EPAS1: variants seen among roughly 807,000 people sequenced by gnomAD.
EPAS1 encodes endothelial PAS domain-containing protein 1.
EPAS1 carries 23 observed loss-of-function variants against 87.9 expected under a neutral mutation model. The ratio of observed to expected loss-of-function variants is 0.26; its 90% CI spans 0.19 to 0.37. The LOEUF is 0.37. EPAS1 is among the 10% of genes least tolerant of loss of function. The pLI is 1.00. For synonymous variants in EPAS1, 508 were observed against 444.3 expected (o/e 1.14, Z -1.80); for missense variants, 1,138 against 1,120.7 (o/e 1.02, Z -0.22).
intron 10 of EPAS1, 51 bp from the exon 11 acceptor site, chr2:46,378,606 G>A: frequency 3.3e-6 from 5 of 1,508,160 alleles, no homozygotes; most frequent in Non-Finnish European, 4.6e-6. Flanking sequence ...GGACTTCTGG[G>A]GAGACCAGTG....
intron 1 of EPAS1, among the ~76,000 whole-genome samples, chr2:46,308,452 C>G (rs1572613318): frequency 1.1e-5 from 1 of 90,946 alleles, no homozygotes; most frequent in East Asian, 2.3e-4. Flanking sequence ...ACCTTGCTTG[C>G]TTTTTTTTGG....
chr2:46,316,571 A>G (rs373784634), intron 1 of EPAS1, among the ~76,000 whole-genome samples: 6 of 152,334 alleles, frequency 3.9e-5, no homozygotes, highest in African/African-American at 1.2e-4. Context: ...AACAATGTCT[A>G]TACCTTAATT....
intron 1 of EPAS1, among the ~76,000 whole-genome samples, chr2:46,336,192 T>C (rs1683788706): frequency 6.6e-6 from 1 of 152,220 alleles, no homozygotes; most frequent in South Asian, 2.1e-4. Context: ...AAGGGCATTT[T>C]TGATTGTCTT....
intron 1 of EPAS1, among the ~76,000 whole-genome samples, chr2:46,337,001 A>C (rs1283364019): frequency 6.6e-6 from 1 of 152,246 alleles, no homozygotes; most frequent in Non-Finnish European, 1.5e-5. Context: ...GACTCTTCCC[A>C]GATGGAAACC....
intron 1 of EPAS1, among the ~76,000 whole-genome samples, chr2:46,323,397 A>G (rs146765804): frequency 1.3e-3 from 193 of 152,350 alleles, no homozygotes; most frequent in African/African-American, 4.3e-3. Context: ...TCTTTTAACA[A>G]ATGGATGGGA....
chr2:46,380,567 G>C lies in EPAS1; in HGVS notation c.1895G>C (p.Gly632Ala), dbSNP rs972229509. The change falls in exon 12 of 16, where the codon GGG (glycine) becomes GCG (alanine). Residue 632 changes from glycine (G) to alanine (A), a missense_variant. Physicochemically the swap from Gly to Ala is moderately conservative, Grantham distance 60. Around this residue, in one of 4 missense-constraint regions of EPAS1, gnomAD observed 502 missense variants for 427.1 expected, o/e 1.18. Coordinates refer to ENST00000263734, the MANE Select transcript of EPAS1 (RefSeq NM_001430.5). This position sits in a 1 kb window ranked among gnomAD's most constrained non-coding sequence, Gnocchi z 4.4. ...GQASTPLSSM[G>A]GRSNTQWPPD... ...GCCAGCACCCCTCTCTCTTCCATGGGGGGCAGATCCAATACCCAGTGGCCC... is the reference window on the plus strand; with the variant it reads ...GCCAGCACCCCTCTCTCTTCCATGGCGGGCAGATCCAATACCCAGTGGCCC... 6 of 1,614,066 alleles carry C rather than the reference G, an allele frequency of 3.7e-6. No individual in the cohort carries two copies. Among genetic ancestry groups the C allele is most frequent in the Non-Finnish European group, 5.1e-6 (6 of 1,180,008 alleles).
rs777767723 is a variant in EPAS1 at position 46,346,865 on chromosome 2, C to G, written c.27-8C>G. Reference sequence around the variant, plus strand: ...CTTTCCGGGACTAACCCCTTCTTCTCCACTTAGGAGTAGCTCGGAGAGGAG... The same window carrying G: ...CTTTCCGGGACTAACCCCTTCTTCTGCACTTAGGAGTAGCTCGGAGAGGAG... On this transcript the variant is annotated splice_polypyrimidine_tract_variant and splice_region_variant and intron_variant, in intron 1 of 15. Coordinates refer to ENST00000263734, the MANE Select transcript of EPAS1 (RefSeq NM_001430.5). This position sits in a 1 kb window ranked among gnomAD's most constrained non-coding sequence, Gnocchi z 4.0. 1 of 1,614,158 alleles carries G rather than the reference C, an allele frequency of 6.2e-7. No individual in the cohort carries two copies. The highest frequency in any genetic ancestry group is 1.3e-5 in the African/African-American group (1 of 75,056).
chr2:46,358,332 T>C (rs1684311681), intron 4 of EPAS1, among the ~76,000 whole-genome samples: 1 of 152,202 alleles, frequency 6.6e-6, no homozygotes, highest in Admixed American at 6.5e-5. Flanking sequence ...GAGCACCCTG[T>C]AGGCTGCTCA....
rs2103673257 is a variant in EPAS1, at chr2:46,380,532, C to T, written c.1860C>T (p.Cys620=). Residue 620 remains cysteine, a synonymous_variant, in exon 12 of 16, where the codon TGC becomes TGT. Transcript: ENST00000263734. This position sits in a 1 kb window ranked among gnomAD's most constrained non-coding sequence, Gnocchi z 4.4. ...GAAGCAAAGCATCCCTGCCACCGTG[C>T]TGTGGCCAGGCCAGCACCCCTCTCT... ...DAGSKASLPP[C]CGQASTPLSS... The T allele has an allele frequency of 6.2e-7, 1 of 1,614,208 alleles. No individual in the cohort carries two copies. Among genetic ancestry groups the T allele is most frequent in the Non-Finnish European group, 8.5e-7 (1 of 1,180,038 alleles).
In EPAS1 at chr2:46,380,628, G is replaced by C. The variant is rs866945033; in HGVS notation, c.1956G>C (p.Trp652Cys). Reference sequence around the variant, plus strand: ...CATTACATTTTGGGCCCACAAAGTGGGCCGTCGGGGATCAGCGCACAGAGT... The same window carrying C: ...CATTACATTTTGGGCCCACAAAGTGCGCCGTCGGGGATCAGCGCACAGAGT... The part of the protein sequence containing the change: ...DPPLHFGPTK[W>C]AVGDQRTEFL... The change falls in exon 12 of 16, where the codon TGG (tryptophan) becomes TGC (cysteine). Residue 652 changes from tryptophan (W) to cysteine (C), a missense_variant. Physicochemically the swap from Trp to Cys is radical, Grantham distance 215. Transcript: ENST00000263734. The surrounding 1 kb of genome is among the most constrained non-coding windows in gnomAD (Gnocchi z 4.4). 1 of 1,614,054 alleles carries C rather than the reference G, an allele frequency of 6.2e-7. No homozygotes were observed. The highest frequency in any genetic ancestry group is 1.6e-4 in the Middle Eastern group (1 of 6,062).
chr2:46,380,508 A>T lies in EPAS1; in HGVS notation c.1836A>T (p.Gly612=), dbSNP rs1170141978. Residue 612 remains glycine (G), a synonymous_variant, in exon 12 of 16, where the codon GGA becomes GGT. Transcript: ENST00000263734. The surrounding 1 kb of genome is among the most constrained non-coding windows in gnomAD (Gnocchi z 4.4). ...RPMSSIFFDA[G]SKASLPPCCG... is the part of the protein sequence containing the mutation. ...TGTCCTCCATCTTCTTTGATGCCGG[A>T]AGCAAAGCATCCCTGCCACCGTGCT... 8 of 1,614,164 alleles carry T rather than the reference A, an allele frequency of 5.0e-6. No homozygotes were observed. Among genetic ancestry groups the T allele is most frequent in the Non-Finnish European group, 5.9e-6 (7 of 1,180,024 alleles).
chr2:46,362,960 G>T (rs1205963909), intron 6 of EPAS1, among the ~76,000 whole-genome samples: 55 of 84,688 alleles, frequency 6.5e-4, no homozygotes, highest in Middle Eastern at 6.3e-3. Context: ...GTTAGTGGTG[G>T]TGGTGGTGGT....
chr2:46,321,632 C>T (rs1683455555), intron 1 of EPAS1, among the ~76,000 whole-genome samples: 1 of 152,002 alleles, frequency 6.6e-6, no homozygotes, highest in South Asian at 2.1e-4. Flanking sequence ...TTTACATTTT[C>T]CTAATGATCA....
chr2:46,368,069 G>A (rs578067501), intron 6 of EPAS1, among the ~76,000 whole-genome samples: 1 of 152,340 alleles, frequency 6.6e-6, no homozygotes, highest in South Asian at 2.1e-4. Context: ...CTGGTCAGCT[G>A]TTGAGGTTTT....
intron 1 of EPAS1, among the ~76,000 whole-genome samples, chr2:46,308,372 T>C (rs542148442): frequency 1.3e-5 from 2 of 151,160 alleles, no homozygotes; most frequent in African/African-American, 4.8e-5. Context: ...ACTTTATTTG[T>C]TTTTGCCTTT....
intron 12 of EPAS1, chr2:46,381,130 C>T: frequency 5.7e-6 from 2 of 350,832 alleles, no homozygotes; most frequent in Non-Finnish European, 1.1e-5. Context: ...TGCAGCCTCT[C>T]CCAGCTGTGC....
chr2:46,370,843 C>T (rs1033338251), intron 7 of EPAS1, among the ~76,000 whole-genome samples: 1 of 152,184 alleles, frequency 6.6e-6, no homozygotes, highest in Non-Finnish European at 1.5e-5. Context: ...CCATGCGACT[C>T]ATCACTGTGC....
intron 11 of EPAS1, 116 bp downstream of exon 11, chr2:46,378,883 G>A: frequency 9.8e-7 from 1 of 1,015,726 alleles, no homozygotes; most frequent in South Asian, 1.3e-5. Flanking sequence ...GGAGACGTTT[G>A]GCCAAGGCCC....
chr2:46,302,518 T>G (rs1317612408), intron 1 of EPAS1, among the ~76,000 whole-genome samples: 2 of 152,128 alleles, frequency 1.3e-5, no homozygotes, highest in South Asian at 4.1e-4. Context: ...TATTAGCTCC[T>G]GGGGCCCTAG....
Sources: gnomAD v4.1 joint callset for allele counts (sites outside exome capture counted in the v4.1 genomes callset) on GRCh38, gnomAD v4.1.1 for gene constraint, gnomAD v4.1.1 regional missense constraint, Gnocchi (gnomAD v3.1) non-coding constraint, MANE v1.5 for transcripts, NCBI Gene and HGNC (gene_info 2026-07-23, HGNC 2026-07-21) for gene names.